DBX1: variants seen among roughly 807,000 people sequenced by gnomAD.
DBX1 encodes developing brain homeobox 1, also known as homeobox protein DBX1.
In DBX1, 10 loss-of-function variants were observed where a neutral mutation model predicts 20.8. The ratio of observed to expected loss-of-function variants is 0.48; its 90% confidence interval spans 0.30 to 0.82. The LOEUF is 0.82. DBX1 is among the 40% of genes least tolerant of loss of function. DBX1 has a pLI of 0.07. For missense variants in DBX1, 505 were observed against 468.8 expected (o/e 1.08, Z -0.71); for synonymous variants, 241 against 213.9 (o/e 1.13, Z -1.11).
Position 20,156,722 on chromosome 11 carries a change from G to C in DBX1, c.673-149C>G. On this transcript the variant is annotated intron_variant, in intron 3 of 3. Transcript: ENST00000524983. The surrounding 1 kb of genome is among the most constrained non-coding windows in gnomAD (Gnocchi z 4.8). Reference sequence around the variant, plus strand: ...CCACCCCCAGAAATGAGTTCCGGTGGATTCCCGCATTGACTCCGCCCCCGC... The same window carrying C: ...CCACCCCCAGAAATGAGTTCCGGTGCATTCCCGCATTGACTCCGCCCCCGC... The C allele has an allele frequency of 8.0e-7, 1 of 1,245,002 alleles. No homozygotes were observed. The highest frequency in any genetic ancestry group is 1.5e-5 in the African/African-American group (1 of 67,888). 77.1% of individuals were successfully genotyped at this position (1,245,002 alleles called of 1,614,324 possible). A position where few individuals can be genotyped will look rare whatever the true frequency, so the allele number is the denominator to read the frequency against.
rs765531264 is a variant in DBX1 at position 20,159,986 on chromosome 11, G to A, written c.339C>T (p.Asn113=). ...SETTFLKFGV[N]AILSSGPRTE... is the part of the protein sequence containing the mutation. ...TTCTGGGCCCCGAGGAGAGGATGGC[G>A]TTCACTCCAAACTTCAGAAACGTCG... Residue 113 remains asparagine, a synonymous_variant, in exon 1 of 4, where the codon AAC becomes AAT. Coordinates refer to ENST00000524983, the MANE Select transcript of DBX1 (RefSeq NM_001029865.4). The A allele has an allele frequency of 6.2e-6, 10 of 1,613,724 alleles. No individual in the cohort carries two copies. In the East Asian group the frequency reaches 2.0e-4, roughly 32 times the overall value.
chr11:20,159,076 G>GA (rs2063674924), intron 2 of DBX1, 115 bp downstream of exon 2: 8 of 745,670 alleles, frequency 1.1e-5, no homozygotes, highest in Non-Finnish European at 1.8e-5. Flanking sequence ...CGCAACCTCT[G>GA]AACCAGAGCA....
rs2063682499 is a variant in DBX1 at position 20,160,104 on chromosome 11, A to G, written c.221T>C (p.Leu74Pro). ...CAGGTCCGAGGCCCCCGTGTCGGTG[A>G]GGGCCGTGGGGGCCCCCTGCCTGGG... Reference protein sequence around the residue: ...SPPRQGAPTALTDTGASDLGS... With the variant: ...SPPRQGAPTAPTDTGASDLGS... The change falls in exon 1 of 4, where the codon CTC becomes CCC. Residue 74 changes from leucine to proline, a missense_variant. Leu to Pro is a moderately conservative substitution (Grantham distance 98, BLOSUM62 -3). Coordinates refer to ENST00000524983, the MANE Select transcript of DBX1 (RefSeq NM_001029865.4). The G allele has an allele frequency of 6.4e-7, 1 of 1,553,364 alleles. No homozygotes were observed. Among genetic ancestry groups the G allele is most frequent in the African/African-American group, 1.4e-5 (1 of 72,938 alleles).
In DBX1 at chr11:20,160,290, C is replaced by G. The variant is rs1012337932; in HGVS notation, c.35G>C (p.Gly12Ala). The G allele has an allele frequency of 3.9e-6, 6 of 1,530,974 alleles. No individual in the cohort carries two copies. Among genetic ancestry groups the G allele is most frequent in the Non-Finnish European group, 5.3e-6 (6 of 1,140,540 alleles). The allele number at this position is 1,530,974 out of a possible 1,614,324, so 94.8% of individuals were successfully genotyped here. Residue 12 changes from glycine (G) to alanine (A), a missense_variant, in exon 1 of 4, where the codon GGG (glycine) becomes GCG (alanine). Transcript: ENST00000524983. ...CGTGGGCCGCAGGAGGCTAGGGTAC[C>G]CGGCGGGGGGCGCGAGGAGGCCGGG... ...MFPGLLAPPA[G>A]YPSLLRPTPT... is the part of the protein sequence containing the mutation.
rs1195183642 is a variant in DBX1 at position 20,156,839 on chromosome 11, G to A, written c.672+198C>T. The A allele has an allele frequency of 4.6e-5, 34 of 738,794 alleles. No homozygotes were observed. Among genetic ancestry groups the A allele is most frequent in the Non-Finnish European group, 1.6e-5 (7 of 451,444 alleles). The allele number at this position is 738,794 out of a possible 1,614,324, so 45.8% of individuals were successfully genotyped here. A position where few individuals can be genotyped will look rare whatever the true frequency, so the allele number is the denominator to read the frequency against. ...GTGAGGCCGGGAGAGAAGGCGGGGA[G>A]TCGGGGTGGGGAGAGAAGAGGGCTA... On this transcript the variant is annotated intron_variant, in intron 3 of 3. Coordinates refer to ENST00000524983, the MANE Select transcript of DBX1 (RefSeq NM_001029865.4). The surrounding 1 kb of genome is among the most constrained non-coding windows in gnomAD (Gnocchi z 4.8).
At chr11:20,157,372 C>T (rs539166918) in intron 2 of DBX1, 133 bp from the exon 3 acceptor site, 4 of 811,650 alleles carry the variant, frequency 4.9e-6, no homozygotes, top group Non-Finnish European at 7.6e-6. Context: ...GAATAGGCCA[C>T]GAACCTACAA....
In DBX1 at chr11:20,156,580, T is replaced by C. The variant is rs1426992430; in HGVS notation, c.673-7A>G. ...TCTGGAACCAGATTTTCACCTGGAA[T>C]GTCCCGGCCGGCGAGAAGAAGGGAG... On this transcript the variant is annotated splice_polypyrimidine_tract_variant and splice_region_variant and intron_variant, in intron 3 of 3. Transcript: ENST00000524983. This position sits in a 1 kb window ranked among gnomAD's most constrained non-coding sequence, Gnocchi z 4.8. 2.5e-6 allele frequency: 4 copies of C among 1,613,948 alleles called. No individual in the cohort carries two copies. The highest frequency in any genetic ancestry group is 3.4e-6 in the Non-Finnish European group (4 of 1,179,994).
chr11:20,159,304 T>C lies in DBX1; in HGVS notation c.368-12A>G. On this transcript the variant is annotated splice_polypyrimidine_tract_variant and intron_variant, in intron 1 of 3. Coordinates refer to ENST00000524983, the MANE Select transcript of DBX1 (RefSeq NM_001029865.4). ...GGCTGGGGATGTTTCTGGTGGGCGA[T>C]GGAGGGGGGACAGAAGGAGAGAGGG... The C allele has an allele frequency of 6.3e-7, 1 of 1,579,276 alleles. No individual in the cohort carries two copies. Among genetic ancestry groups the C allele is most frequent in the Admixed American group, 1.7e-5 (1 of 59,954 alleles).
At position 20,159,180 on chromosome 11, in the gene DBX1, A is replaced by T; in HGVS notation, c.469+11T>A. The T allele has an allele frequency of 6.3e-7, 1 of 1,597,276 alleles. No individual in the cohort carries two copies. The highest frequency in any genetic ancestry group is 8.6e-7 in the Non-Finnish European group (1 of 1,165,554). On this transcript the variant is annotated intron_variant, in intron 2 of 3. Coordinates refer to ENST00000524983, the MANE Select transcript of DBX1 (RefSeq NM_001029865.4). ...GCCCTGCCTCGCGCAAAGAAGGGGG[A>T]CGAGACCTACCTGGGAAATAAGAAG...
At chr11:20,158,088 C>T (rs1186473254) in intron 2 of DBX1, among the ~76,000 whole-genome samples, 1 of 151,984 alleles carries the variant, frequency 6.6e-6, no homozygotes, top group East Asian at 1.9e-4. Context: ...TTCTCTTCCC[C>T]GAATCGTTTT....
Position 20,159,856 on chromosome 11 carries a change from G to C in DBX1, c.367+102C>G, listed in dbSNP as rs2063678971. 3 of 1,506,754 alleles carry C rather than the reference G, an allele frequency of 2.0e-6. No individual in the cohort carries two copies. In the African/African-American group the frequency reaches 4.1e-5, roughly 21 times the overall value. 93.3% of individuals were successfully genotyped at this position (1,506,754 alleles called of 1,614,324 possible). On this transcript the variant is annotated intron_variant, in intron 1 of 3. Coordinates refer to ENST00000524983, the MANE Select transcript of DBX1 (RefSeq NM_001029865.4). ...AGTTCGTGCGTATTGTGTGTGCACC[G>C]ATGTGTGTGTGGGGGCCCGCTCGCT...
chr11:20,159,951 C>A lies in DBX1; in HGVS notation c.367+7G>T. On this transcript the variant is annotated splice_region_variant and intron_variant, in intron 1 of 3. Transcript: ENST00000524983. ...GAATGGGCCCTTAGGGTTCTGACCT[C>A]GCTTACCTGTTCTGGGCCCCGAGGA... 2 of 1,614,060 alleles carry A rather than the reference C, an allele frequency of 1.2e-6. No individual in the cohort carries two copies. The highest frequency in any genetic ancestry group is 1.7e-6 in the Non-Finnish European group (2 of 1,179,996).
intron 1 of DBX1, 74 bp downstream of exon 1, chr11:20,159,884 A>T (rs1371863628): frequency 6.2e-7 from 1 of 1,605,986 alleles, no homozygotes; most frequent in Admixed American, 1.7e-5. Context: ...CGCTCGCTAG[A>T]GGAAACTGAG....
chr11:20,159,179 G>C lies in DBX1; in HGVS notation c.469+12C>G, dbSNP rs2063675616. 1 of 1,596,138 alleles carries C rather than the reference G, an allele frequency of 6.3e-7. No homozygotes were observed. Among genetic ancestry groups the C allele is most frequent in the African/African-American group, 1.3e-5 (1 of 74,284 alleles). On this transcript the variant is annotated intron_variant, in intron 2 of 3. Transcript: ENST00000524983. ...CGCCCTGCCTCGCGCAAAGAAGGGG[G>C]ACGAGACCTACCTGGGAAATAAGAA...
At position 20,156,907 on chromosome 11, in the gene DBX1, T is replaced by C; in HGVS notation, c.672+130A>G. On this transcript the variant is annotated intron_variant, in intron 3 of 3. Transcript: ENST00000524983. This position sits in a 1 kb window ranked among gnomAD's most constrained non-coding sequence, Gnocchi z 4.8. ...GGTAGTGGCCCGTGTACTCACTCCC[T>C]CTCTAGGCCTCGGTTTTCCCATCTG... 1 of 942,562 alleles carries C rather than the reference T, an allele frequency of 1.1e-6. No homozygotes were observed. Among genetic ancestry groups the C allele is most frequent in the Non-Finnish European group, 1.6e-6 (1 of 618,706 alleles). The allele number at this position is 942,562 out of a possible 1,614,324, so 58.4% of individuals were successfully genotyped here. A position where few individuals can be genotyped will look rare whatever the true frequency, so the allele number is the denominator to read the frequency against.
chr11:20,158,933 C>T (rs987165712), intron 2 of DBX1, among the ~76,000 whole-genome samples: 1 of 152,050 alleles, frequency 6.6e-6, no homozygotes, highest in African/African-American at 2.4e-5. Context: ...GGAAGGGAAC[C>T]GCCTCAAATT....
Position 20,160,202 on chromosome 11 carries a change from C to T in DBX1, c.123G>A (p.Val41=). The change falls in exon 1 of 4, where the codon GTG becomes GTA. Residue 41 remains valine, a synonymous_variant. Transcript: ENST00000524983. ...SAFSGHSSFL[V]EDLIRISRPP... ...GTCGGCTGATGCGGATCAGATCCTC[C>T]ACCAGGAAGCTGGAGTGGCCGGAAA... is the stretch of plus-strand genomic sequence containing the variant. 6.5e-7 allele frequency: 1 copy of T among 1,547,746 alleles called. No individual in the cohort carries two copies. The highest frequency in any genetic ancestry group is 1.4e-5 in the African/African-American group (1 of 73,090).
Position 20,156,635 on chromosome 11 carries a change from G to T in DBX1, c.673-62C>A. ...AGAGGTCAGATCAGGGGCTCCGGGG[G>T]ACGCACGGGGGCGGGGAGTGGAGTC... On this transcript the variant is annotated intron_variant, in intron 3 of 3. Coordinates refer to ENST00000524983, the MANE Select transcript of DBX1 (RefSeq NM_001029865.4). This position sits in a 1 kb window ranked among gnomAD's most constrained non-coding sequence, Gnocchi z 4.8. 2 of 1,612,260 alleles carry T rather than the reference G, an allele frequency of 1.2e-6. No individual in the cohort carries two copies. The highest frequency in any genetic ancestry group is 8.5e-7 in the Non-Finnish European group (1 of 1,179,164).
At chr11:20,157,352 T>TC (rs2063665691) in intron 2 of DBX1, 113 bp from the exon 3 acceptor site, 2 of 983,180 alleles carry the variant, frequency 2.0e-6, no homozygotes. Context: ...CTCCTTTTTC[T>TC]CCCCCTGGAG....
Sources: gnomAD v4.1 joint callset for allele counts (sites outside exome capture counted in the v4.1 genomes callset) on GRCh38, gnomAD v4.1.1 for gene constraint, Gnocchi (gnomAD v3.1) non-coding constraint, MANE v1.5 for transcripts, NCBI Gene and HGNC (gene_info 2026-07-23, HGNC 2026-07-21) for gene names.